Variants in PELO observed in about 807,000 individuals in gnomAD.
PELO encodes protein pelota homolog.
In PELO, 19 loss-of-function variants were observed where a neutral mutation model predicts 25.9. The observed-to-expected ratio is 0.73, with a 90% CI of 0.51 to 1.08. The LOEUF (loss-of-function observed/expected upper bound fraction) is 1.08. Among genes scored for constraint, PELO ranks in the 50% least tolerant of loss-of-function variants. The probability of loss-of-function intolerance (pLI) is 0.00; values close to 1 mark genes in which losing one functional copy is unlikely to be tolerated. For missense variants in PELO, 498 were observed against 491.4 expected (o/e 1.01, Z -0.13); for synonymous variants, 196 against 192.2 (o/e 1.02, Z -0.16).
chr5:52,788,419 G>A lies in PELO; in HGVS notation c.-511+5G>A, dbSNP rs2111632904. ...CCTGCTGCTGGCTCCTCACTGGTGAGCGACTCGCTTTTCTCTGAGCATCTC... is the reference window on the plus strand; with the variant it reads ...CCTGCTGCTGGCTCCTCACTGGTGAACGACTCGCTTTTCTCTGAGCATCTC... On this transcript the variant is annotated splice_donor_5th_base_variant and intron_variant, in intron 1 of 2. Coordinates refer to ENST00000274311, the MANE Select transcript of PELO (RefSeq NM_015946.5). The A allele has an allele frequency of 6.0e-6, 9 of 1,507,798 alleles. No individual in the cohort carries two copies. Among genetic ancestry groups the A allele is most frequent in the Non-Finnish European group, 8.0e-6 (9 of 1,130,696 alleles). The allele number at this position is 1,507,798 out of a possible 1,614,324, so 93.4% of individuals were successfully genotyped here. A position where few individuals can be genotyped will look rare whatever the true frequency, so the allele number is the denominator to read the frequency against.
chr5:52,798,980 G>A (rs750110546), intron 1 of PELO, among the ~76,000 whole-genome samples: 9 of 152,008 alleles, frequency 5.9e-5, no homozygotes, highest in Non-Finnish European at 1.0e-4. Flanking sequence ...AATGAGTTTG[G>A]GGATCCGAGA....
chr5:52,800,372 G>C lies in PELO; in HGVS notation c.-23G>C. 1 of 1,613,102 alleles carries C rather than the reference G, an allele frequency of 6.2e-7. No individual in the cohort carries two copies. Among genetic ancestry groups the C allele is most frequent in the Non-Finnish European group, 8.5e-7 (1 of 1,179,874 alleles). ...GGACCTCCTTGGTTCCTTTGGTTCT[G>C]TCAGTGAGCCCCTTCCTTGGCCATG... On this transcript the variant is annotated 5_prime_UTR_variant, in exon 2 of 3. Transcript: ENST00000274311.
At chr5:52,790,058 T>G (rs1269480059) in intron 1 of PELO, among the ~76,000 whole-genome samples, 1 of 152,240 alleles carries the variant, frequency 6.6e-6, no homozygotes. Context: ...CATTATATTC[T>G]GTAGGCTCTT....
At chr5:52,792,882 G>A (rs965547674) in intron 1 of PELO, among the ~76,000 whole-genome samples, 2 of 152,260 alleles carry the variant, frequency 1.3e-5, no homozygotes, top group East Asian at 3.9e-4. Flanking sequence ...TCTGTGACTG[G>A]AGAATTGTAT....
At chr5:52,798,139 C>A (rs184779070) in intron 1 of PELO, among the ~76,000 whole-genome samples, 5 of 152,238 alleles carry the variant, frequency 3.3e-5, no homozygotes, top group Admixed American at 2.0e-4. Flanking sequence ...TTTGGATAGG[C>A]AAATCACCTT....
chr5:52,800,188 G>A lies in PELO; in HGVS notation c.-207G>A. 2 of 590,244 alleles carry A rather than the reference G, an allele frequency of 3.4e-6. No individual in the cohort carries two copies. The highest frequency in any genetic ancestry group is 6.0e-6 in the Non-Finnish European group (2 of 331,776). 36.6% of individuals were successfully genotyped at this position (590,244 alleles called of 1,614,324 possible). A position where few individuals can be genotyped will look rare whatever the true frequency, so the allele number is the denominator to read the frequency against. On this transcript the variant is annotated 5_prime_UTR_variant, in exon 2 of 3. Coordinates refer to ENST00000274311, the MANE Select transcript of PELO (RefSeq NM_015946.5). ...TCCCCGAGCCTGTTAGACGCAGCGCGCCGGGAGACTGAGAGAGGAAAGGAT... is the reference window on the plus strand; with the variant it reads ...TCCCCGAGCCTGTTAGACGCAGCGCACCGGGAGACTGAGAGAGGAAAGGAT...
chr5:52,801,616 C>T lies in PELO; in HGVS notation c.934C>T (p.Leu312Phe). 1 of 1,614,072 alleles carries T rather than the reference C, an allele frequency of 6.2e-7. No individual in the cohort carries two copies. The highest frequency in any genetic ancestry group is 8.5e-7 in the Non-Finnish European group (1 of 1,179,912). The change falls in exon 3 of 3, where the codon CTC becomes TTC. Residue 312 changes from leucine (L) to phenylalanine (F), a missense_variant. Coordinates refer to ENST00000274311, the MANE Select transcript of PELO (RefSeq NM_015946.5). ...TGAAGCCATGGCAATTGACACATTGCTCATCAGCGATGAGCTCTTCAGGCA... is the reference window on the plus strand; with the variant it reads ...TGAAGCCATGGCAATTGACACATTGTTCATCAGCGATGAGCTCTTCAGGCA... Reference protein sequence around the residue: ...ANEAMAIDTLLISDELFRHQD... With the variant: ...ANEAMAIDTLFISDELFRHQD...
intron 1 of PELO, among the ~76,000 whole-genome samples, chr5:52,799,670 A>C (rs1748414755): frequency 6.6e-6 from 1 of 152,208 alleles, no homozygotes; most frequent in South Asian, 2.1e-4. Context: ...CCGCTTCTAA[A>C]TACCAGCTCC....
At chr5:52,790,956 C>T (rs1339564083) in intron 1 of PELO, among the ~76,000 whole-genome samples, 1 of 152,100 alleles carries the variant, frequency 6.6e-6, no homozygotes, top group East Asian at 1.9e-4. Flanking sequence ...AAAAGAATTC[C>T]ACCTTTCCAT....
Position 52,802,114 on chromosome 5 carries a change from A to G in PELO, c.*274A>G. 2 of 330,988 alleles carry G rather than the reference A, an allele frequency of 6.0e-6. No individual in the cohort carries two copies. The highest frequency in any genetic ancestry group is 1.1e-5 in the Non-Finnish European group (2 of 179,250). The allele number at this position is 330,988 out of a possible 1,614,324, so 20.5% of individuals were successfully genotyped here. On this transcript the variant is annotated 3_prime_UTR_variant, in exon 3 of 3. Transcript: ENST00000274311. ...TATCTGTAGTACTTGGAAACAGAAA[A>G]TGTGTGTATTTAAAGACGATGCCTA... is the stretch of plus-strand genomic sequence containing the variant.
At chr5:52,793,768 A>G (rs1748287007) in intron 1 of PELO, among the ~76,000 whole-genome samples, 1 of 152,016 alleles carries the variant, frequency 6.6e-6, no homozygotes. Flanking sequence ...TGGCACCAAC[A>G]GCCTCACCAG....
chr5:52,794,001 T>TA (rs1748291653), intron 1 of PELO, among the ~76,000 whole-genome samples: 1 of 151,958 alleles, frequency 6.6e-6, no homozygotes, highest in Non-Finnish European at 1.5e-5. Context: ...AAAAGGAAGA[T>TA]AAAAAAGTCA....
chr5:52,800,260 C>T lies in PELO; in HGVS notation c.-135C>T. 1 of 840,106 alleles carries T rather than the reference C, an allele frequency of 1.2e-6. No homozygotes were observed. The highest frequency in any genetic ancestry group is 2.6e-5 in the East Asian group (1 of 38,876). 52.0% of individuals were successfully genotyped at this position (840,106 alleles called of 1,614,324 possible). On this transcript the variant is annotated 5_prime_UTR_variant, in exon 2 of 3. Transcript: ENST00000274311. ...TGCATGAGTCGAAGCAAGCGTGTTT[C>T]CTTCCCGCCAGGCAAGTGCCCTTAG...
intron 1 of PELO, among the ~76,000 whole-genome samples, chr5:52,790,065 T>C (rs1748209143): frequency 6.6e-6 from 1 of 152,172 alleles, no homozygotes; most frequent in South Asian, 2.1e-4. Context: ...TTCTGTAGGC[T>C]CTTCTTTAGC....
chr5:52,788,303 G>C lies in PELO; in HGVS notation c.-622G>C, dbSNP rs1358833547. ...CCAGAGAGCGCAGCTCCCGCGCCCGGTCCTGCCCTGCGAACCAGCGCGGCC... is the reference window on the plus strand; with the variant it reads ...CCAGAGAGCGCAGCTCCCGCGCCCGCTCCTGCCCTGCGAACCAGCGCGGCC... On this transcript the variant is annotated 5_prime_UTR_variant, in exon 1 of 3. Coordinates refer to ENST00000274311, the MANE Select transcript of PELO (RefSeq NM_015946.5). The C allele has an allele frequency of 5.6e-6, 8 of 1,438,660 alleles. No individual in the cohort carries two copies. In the Middle Eastern group the frequency reaches 7.2e-4, roughly 129 times the overall value. The allele number at this position is 1,438,660 out of a possible 1,614,324, so 89.1% of individuals were successfully genotyped here. A position where few individuals can be genotyped will look rare whatever the true frequency, so the allele number is the denominator to read the frequency against.
rs1167267884 is a variant in PELO at position 52,801,699 on chromosome 5, T to C, written c.1017T>C (p.Asn339=). ...GGCTGGTGGACAGTGTGAAAGAGAA[T>C]GCAGGCACCGTTAGGATATTCTCTA... ...YVRLVDSVKE[N]AGTVRIFSSL... Residue 339 remains asparagine (N), a synonymous_variant, in exon 3 of 3, where the codon AAT becomes AAC. Transcript: ENST00000274311. The C allele has an allele frequency of 6.2e-7, 1 of 1,614,068 alleles. No homozygotes were observed. The highest frequency in any genetic ancestry group is 8.5e-7 in the Non-Finnish European group (1 of 1,180,034).
chr5:52,793,809 C>G (rs1748287506), intron 1 of PELO, among the ~76,000 whole-genome samples: 1 of 151,978 alleles, frequency 6.6e-6, no homozygotes, highest in Non-Finnish European at 1.5e-5. Context: ...TCCAAATGCT[C>G]TATCTTTAGA....
chr5:52,788,777 G>A (rs987613610), intron 1 of PELO, among the ~76,000 whole-genome samples: 1 of 152,146 alleles, frequency 6.6e-6, no homozygotes, highest in Non-Finnish European at 1.5e-5. Context: ...TGGGATGGGA[G>A]GGTGATGCTT....
intron 1 of PELO, among the ~76,000 whole-genome samples, chr5:52,795,888 G>C (rs1460469023): frequency 2.0e-5 from 3 of 151,936 alleles, no homozygotes; most frequent in Non-Finnish European, 1.5e-5. Context: ...CTTATTTCAA[G>C]TTGGTAGAAT....
Sources: allele counts gnomAD v4.1 joint callset (sites outside exome capture counted in the v4.1 genomes callset), GRCh38; gene constraint gnomAD v4.1.1; transcripts MANE v1.5; gene names NCBI Gene and HGNC (gene_info 2026-07-23, HGNC 2026-07-21).